The following CNTN3 variants were observed in gnomAD, a reference collection of about 807,000 sequenced individuals.
CNTN3 encodes the protein contactin 3, also known as contactin-3.
Under a neutral mutation model 119.1 loss-of-function variants are expected in CNTN3, and 60 were observed. The observed-to-expected ratio is 0.50, with a 90% CI of 0.41 to 0.62. CNTN3 has a LOEUF of 0.62. CNTN3 is among the 20% of genes least tolerant of loss of function. The probability of loss-of-function intolerance (pLI) is 0.00; values close to 1 mark genes in which losing one functional copy is unlikely to be tolerated. For missense variants in CNTN3, 1,101 were observed against 1,242.4 expected (o/e 0.89, Z 1.71); for synonymous variants, 450 against 438.7 (o/e 1.03, Z -0.32).
intron 11 of CNTN3, among the ~76,000 whole-genome samples, chr3:74,354,475 A>G (rs1384959680): frequency 1.3e-5 from 2 of 152,068 alleles, no homozygotes; most frequent in Non-Finnish European, 2.9e-5. Context: ...GGTCTTTTTC[A>G]ATGTTAGTTT....
chr3:74,443,662 C>A (rs975323471), intron 4 of CNTN3, among the ~76,000 whole-genome samples: 1 of 152,138 alleles, frequency 6.6e-6, no homozygotes. Flanking sequence ...GTTTCTCAGG[C>A]CTTCCTTCCT....
intron 11 of CNTN3, among the ~76,000 whole-genome samples, chr3:74,354,321 T>C (rs924914318): frequency 2.0e-5 from 3 of 152,148 alleles, no homozygotes; most frequent in Non-Finnish European, 4.4e-5. Context: ...TTATAAGCAA[T>C]AGCATTCAAA....
intron 2 of CNTN3, among the ~76,000 whole-genome samples, chr3:74,506,553 C>T (rs1703263571): frequency 6.6e-6 from 1 of 151,890 alleles, no homozygotes; most frequent in South Asian, 2.1e-4. Context: ...TGAATGTGAG[C>T]TTTAATGTTT....
intron 3 of CNTN3, among the ~76,000 whole-genome samples, chr3:74,495,956 C>A (rs1703055173): frequency 6.6e-6 from 1 of 152,014 alleles, no homozygotes; most frequent in Non-Finnish European, 1.5e-5. Context: ...GAGTTGTGGG[C>A]CCAGGGGTCG....
chr3:74,509,601 T>G (rs1228303387), intron 2 of CNTN3, among the ~76,000 whole-genome samples: 7 of 152,186 alleles, frequency 4.6e-5, no homozygotes, highest in African/African-American at 1.4e-4. Context: ...GGCTTCCTTT[T>G]AATTCCTATT....
chr3:74,533,267 C>G (rs1419195259), intron 1 of CNTN3, among the ~76,000 whole-genome samples: 3 of 152,088 alleles, frequency 2.0e-5, no homozygotes, highest in Admixed American at 2.0e-4. Flanking sequence ...TACCACCACA[C>G]TTCCTTCTCT....
intron 19 of CNTN3, among the ~76,000 whole-genome samples, chr3:74,287,110 C>T (rs753806720): frequency 3.3e-4 from 50 of 152,286 alleles, no homozygotes; most frequent in Non-Finnish European, 5.3e-4. Flanking sequence ...GGCAGAGATT[C>T]GCCAGGCTTC....
At chr3:74,479,513 T>C (rs181417184) in intron 4 of CNTN3, among the ~76,000 whole-genome samples, 1 of 152,272 alleles carries the variant, frequency 6.6e-6, no homozygotes, top group East Asian at 1.9e-4. Context: ...AACATATTAT[T>C]CATACTAAGT....
Position 74,334,877 on chromosome 3 carries a change from A to G in CNTN3, c.1526T>C (p.Met509Thr), listed in dbSNP as rs1328780702. 2 of 1,613,258 alleles carry G rather than the reference A, an allele frequency of 1.2e-6. No homozygotes were observed. Among genetic ancestry groups the G allele is most frequent in the South Asian group, 1.1e-5 (1 of 90,880 alleles). Residue 509 changes from methionine to threonine, a missense_variant, in exon 13 of 23, where the codon ATG (methionine) becomes ACG (threonine). By Grantham distance (81) the Met-to-Thr change is moderately conservative. Transcript: ENST00000263665. ...PTRITLAPSN[M>T]DVSVGESVIL... is the part of the protein sequence containing the mutation. ...GACGCTTTCACCAACAGAAACATCCATGTTAGATGGTGCCAAAGTTATTCT... is the reference window on the plus strand; with the variant it reads ...GACGCTTTCACCAACAGAAACATCCGTGTTAGATGGTGCCAAAGTTATTCT...
intron 20 of CNTN3, among the ~76,000 whole-genome samples, chr3:74,277,852 G>A (rs1006396903): frequency 7.9e-5 from 12 of 151,938 alleles, no homozygotes; most frequent in African/African-American, 2.4e-5. Context: ...TGATATGATG[G>A]TTTACCTCAA....
intron 5 of CNTN3, among the ~76,000 whole-genome samples, chr3:74,395,803 T>C (rs924804324): frequency 2.0e-5 from 3 of 152,170 alleles, no homozygotes; most frequent in Admixed American, 2.0e-4. Flanking sequence ...CAGCCCTGTG[T>C]AGACTAAGTC....
chr3:74,284,962 T>C (rs1030288815), intron 20 of CNTN3, among the ~76,000 whole-genome samples: 1 of 152,224 alleles, frequency 6.6e-6, no homozygotes, highest in Non-Finnish European at 1.5e-5. Context: ...AACTTATTCA[T>C]GCTTATCAGA....
intron 5 of CNTN3, among the ~76,000 whole-genome samples, chr3:74,399,214 T>G (rs540321345): frequency 1.3e-5 from 2 of 152,224 alleles, no homozygotes; most frequent in South Asian, 4.1e-4. Flanking sequence ...GTCATGTGGG[T>G]GTGTTGTACA....
chr3:74,473,951 G>A (rs1702609657), intron 4 of CNTN3, among the ~76,000 whole-genome samples: 1 of 152,186 alleles, frequency 6.6e-6, no homozygotes, highest in Non-Finnish European at 1.5e-5. Flanking sequence ...GTCTCTATGA[G>A]AAACCATTGG....
chr3:74,379,344 C>T lies in CNTN3; in HGVS notation c.455-7945G>A, dbSNP rs551734481. ...CTAATTTTTGTATTTTTAGTAGAGA[C>T]GGGGTTTCGCCATGTTGGTCAGGCT... On this transcript the variant is annotated intron_variant, in intron 5 of 22. Transcript: ENST00000263665. 3.3e-4 allele frequency among the ~76,000 whole-genome samples: 50 copies of T among 152,048 alleles called. No homozygotes were observed. The South Asian group carries it at 5.4e-3, about 16-fold the overall frequency.
intron 5 of CNTN3, among the ~76,000 whole-genome samples, chr3:74,416,253 A>G (rs1004265728): frequency 4.6e-5 from 7 of 152,214 alleles, no homozygotes; most frequent in African/African-American, 1.7e-4. Context: ...ACATTTTTCC[A>G]TAAACATATT....
At chr3:74,588,908 G>C (rs1704648155) in intron 1 of CNTN3, among the ~76,000 whole-genome samples, 1 of 152,260 alleles carries the variant, frequency 6.6e-6, no homozygotes, top group African/African-American at 2.4e-5. Context: ...GCCATATGTA[G>C]AAAGCTGAAA....
intron 4 of CNTN3, among the ~76,000 whole-genome samples, chr3:74,454,367 G>T (rs1702221245): frequency 6.8e-6 from 1 of 146,154 alleles, no homozygotes; most frequent in Non-Finnish European, 1.5e-5. Context: ...TTGCTTGGTA[G>T]ATCTTCCTCC....
intron 4 of CNTN3, among the ~76,000 whole-genome samples, chr3:74,436,399 T>C (rs1701866665): frequency 6.6e-6 from 1 of 152,124 alleles, no homozygotes; most frequent in Non-Finnish European, 1.5e-5. Flanking sequence ...CCAGTACAGA[T>C]GGCCTCAATC....
Sources: gnomAD v4.1 joint callset for allele counts (sites outside exome capture counted in the v4.1 genomes callset) on GRCh38, gnomAD v4.1.1 for gene constraint, MANE v1.5 for transcripts, NCBI Gene and HGNC (gene_info 2026-07-23, HGNC 2026-07-21) for gene names.